The following CNTNAP3B variants were observed in gnomAD, a reference collection of about 807,000 sequenced individuals.
CNTNAP3B encodes the protein contactin-associated protein-like 3B.
Under a neutral mutation model 108.9 loss-of-function variants are expected in CNTNAP3B, and 25 were observed. The ratio of observed to expected loss-of-function variants is 0.23; its 90% confidence interval spans 0.17 to 0.32. The LOEUF is 0.32. Among genes scored for constraint, CNTNAP3B ranks in the 10% least tolerant of loss-of-function variants. The pLI is 1.00. For missense variants in CNTNAP3B, 252 were observed against 1,210.4 expected (o/e 0.21, Z 11.75); for synonymous variants, 103 against 473.4 (o/e 0.22, Z 10.16).
chr9:41,966,801 A>G (rs1376634252), intron 10 of CNTNAP3B, among the ~76,000 whole-genome samples: 23 of 151,296 alleles, frequency 1.5e-4, no homozygotes, highest in Admixed American at 8.6e-4. Flanking sequence ...CCCCGTCTTT[A>G]CTAAAAATAC....
chr9:41,933,583 A>T (rs1330441371), intron 14 of CNTNAP3B, among the ~76,000 whole-genome samples: 1 of 152,298 alleles, frequency 6.6e-6, no homozygotes, highest in Non-Finnish European at 1.5e-5. Context: ...TTACGATTTT[A>T]TAGAAATTCA....
intron 3 of CNTNAP3B, among the ~76,000 whole-genome samples, chr9:42,075,174 C>T (rs1478744601): frequency 6.9e-6 from 1 of 145,232 alleles, no homozygotes; most frequent in African/African-American, 2.7e-5. Context: ...GTCCAAAGGT[C>T]CTTCTTGATG....
intron 1 of CNTNAP3B, among the ~76,000 whole-genome samples, chr9:42,106,482 T>C (rs1171744127): frequency 1.6e-5 from 2 of 121,570 alleles, no homozygotes; most frequent in East Asian, 2.8e-4. Context: ...CATTGAAATG[T>C]GCAGAGCTGT....
chr9:41,922,194 G>T lies in CNTNAP3B; in HGVS notation c.2755+483C>A, dbSNP rs868594684. Among the ~76,000 whole-genome samples the T allele has an allele frequency of 1.5e-5, 2 of 130,494 alleles. 1 individual carries two copies. The highest frequency in any genetic ancestry group is 6.3e-5 in the African/African-American group (2 of 31,884). 85.6% of individuals were successfully genotyped at this position (130,494 alleles called of 152,430 possible). ...TAAACACTGAGATACTGCAGGGCCC[G>T]GTGGCTCGCGCCTGTAATCCCAGCA... On this transcript the variant is annotated intron_variant, in intron 17 of 23. Coordinates refer to ENST00000377561, the MANE Select transcript of CNTNAP3B (RefSeq NM_001201380.3).
chr9:42,111,929 G>T (rs1358038063), intron 1 of CNTNAP3B, among the ~76,000 whole-genome samples: 3 of 138,522 alleles, frequency 2.2e-5, no homozygotes, highest in African/African-American at 8.6e-5. Context: ...TTAAACTATT[G>T]CTGAGTGCAA....
rs1224188325 is a variant in CNTNAP3B, at chr9:42,110,622, C to A, written c.86-5883G>T. On this transcript the variant is annotated intron_variant, in intron 1 of 23. Coordinates refer to ENST00000377561, the MANE Select transcript of CNTNAP3B (RefSeq NM_001201380.3). ...CACTAACTCCACAGCAGGCTTCTCT[C>A]TGGTTCCACATATTGAGTCAGCAGG... Among the ~76,000 whole-genome samples the A allele has an allele frequency of 4.4e-5, 6 of 137,590 alleles. 2 individuals are homozygous for A. The highest frequency in any genetic ancestry group is 1.5e-4 in the Admixed American group (2 of 13,774). 90.3% of individuals were successfully genotyped at this position (137,590 alleles called of 152,430 possible). A position where few individuals can be genotyped will look rare whatever the true frequency, so the allele number is the denominator to read the frequency against.
intron 1 of CNTNAP3B, among the ~76,000 whole-genome samples, chr9:42,108,616 C>T (rs1327294764): frequency 7.8e-6 from 1 of 128,674 alleles, no homozygotes; most frequent in Admixed American, 7.8e-5. Context: ...CCACCTGCCA[C>T]CTTCCATGCA....
chr9:42,075,836 C>CTTTATTA (rs1554754772), intron 3 of CNTNAP3B, among the ~76,000 whole-genome samples: 23 of 63,750 alleles, frequency 3.6e-4, no homozygotes, highest in Non-Finnish European at 6.3e-4. Flanking sequence ...GTAATAAATA[C>CTTTATTA]TTATTATTAT....
chr9:41,946,026 A>G (rs1418801089), intron 13 of CNTNAP3B, among the ~76,000 whole-genome samples: 2 of 152,240 alleles, frequency 1.3e-5, no homozygotes, highest in African/African-American at 2.4e-5. Flanking sequence ...GGTCAATATA[A>G]CAAGAAGATA....
chr9:41,990,886 A>G (rs1351978625), intron 8 of CNTNAP3B, among the ~76,000 whole-genome samples: 1 of 139,294 alleles, frequency 7.2e-6, no homozygotes, highest in African/African-American at 2.8e-5. Flanking sequence ...CATTTGCCCA[A>G]CAAAAACAGG....
At chr9:42,072,313 G>GT (rs1350569285) in intron 3 of CNTNAP3B, among the ~76,000 whole-genome samples, 1 of 85,958 alleles carries the variant, frequency 1.2e-5, no homozygotes, top group Non-Finnish European at 2.2e-5. Flanking sequence ...AGGCCAGGTG[G>GT]TTTTTTAAGG....
intron 10 of CNTNAP3B, among the ~76,000 whole-genome samples, chr9:41,967,769 A>T (rs1180248216): frequency 1.3e-5 from 2 of 152,402 alleles, no homozygotes; most frequent in East Asian, 3.9e-4. Context: ...CAGAGGAGCT[A>T]GTCTTCTACG....
intron 3 of CNTNAP3B, among the ~76,000 whole-genome samples, chr9:42,064,248 T>C (rs1220349335): frequency 6.7e-6 from 1 of 150,054 alleles, no homozygotes; most frequent in Non-Finnish European, 1.5e-5. Flanking sequence ...AAACAGAAAT[T>C]TATTTGTAAC....
chr9:41,928,599 T>G (rs1409609609), intron 15 of CNTNAP3B, among the ~76,000 whole-genome samples: 1 of 152,294 alleles, frequency 6.6e-6, no homozygotes, highest in African/African-American at 2.4e-5. Flanking sequence ...AGGCTCCTTG[T>G]TGAACCACCC....
chr9:42,080,219 G>A (rs1827585068), intron 2 of CNTNAP3B, among the ~76,000 whole-genome samples: 1 of 136,864 alleles, frequency 7.3e-6, no homozygotes, highest in Admixed American at 7.3e-5. Flanking sequence ...TTGTTAGTTT[G>A]TTGGTGTTCA....
At chr9:42,060,291 G>GT (rs1156269586) in intron 3 of CNTNAP3B, among the ~76,000 whole-genome samples, 3 of 132,796 alleles carry the variant, frequency 2.3e-5, no homozygotes, top group African/African-American at 9.2e-5. Flanking sequence ...ATAATCATAT[G>GT]TTTTTTGTCC....
chr9:42,125,833 G>T (rs1828557903), intron 1 of CNTNAP3B, among the ~76,000 whole-genome samples: 1 of 129,338 alleles, frequency 7.7e-6, no homozygotes, highest in South Asian at 2.6e-4. Flanking sequence ...GTCCAGGCTG[G>T]TTTCGAACTC....
chr9:42,072,991 C>T (rs1468576419), intron 3 of CNTNAP3B, among the ~76,000 whole-genome samples: 1 of 139,644 alleles, frequency 7.2e-6, no homozygotes, highest in Non-Finnish European at 1.5e-5. Flanking sequence ...ATGCAAATAG[C>T]CCCAAAGTCA....
rs1428558747 is a variant in CNTNAP3B, at chr9:42,098,964, G to T, written c.196+5665C>A. Among the ~76,000 whole-genome samples, 2 of 136,056 alleles carry T rather than the reference G, an allele frequency of 1.5e-5. 1 individual carries two copies. The highest frequency in any genetic ancestry group is 3.1e-5 in the Non-Finnish European group (2 of 64,042). The allele number at this position is 136,056 out of a possible 152,430, so 89.3% of individuals were successfully genotyped here. On this transcript the variant is annotated intron_variant, in intron 2 of 23. Transcript: ENST00000377561. ...ATGCTTACCTGCCCACATCCGAAGG[G>T]CTGGTGCACCCAGAGTCGTGGCTAG... is the stretch of plus-strand genomic sequence containing the variant.
Sources: gnomAD v4.1 joint callset for allele counts (sites outside exome capture counted in the v4.1 genomes callset) on GRCh38, gnomAD v4.1.1 for gene constraint, MANE v1.5 for transcripts, NCBI Gene and HGNC (gene_info 2026-07-23, HGNC 2026-07-21) for gene names.